CLSTN2: variants seen among roughly 807,000 people sequenced by gnomAD.
The protein encoded by CLSTN2 is calsyntenin 2.
CLSTN2 carries 48 observed loss-of-function variants against 101.2 expected under a neutral mutation model. The ratio of observed to expected loss-of-function variants is 0.47; its 90% CI spans 0.38 to 0.60. The LOEUF is 0.60. CLSTN2 is among the 20% of genes least tolerant of loss of function. The pLI is 0.00. For synonymous variants in CLSTN2, 481 were observed against 463.6 expected, an observed-to-expected ratio of 1.04 and a Z score of -0.48; for missense variants, 1,160 against 1,238.2, an observed-to-expected ratio of 0.94 and a Z score of 0.95.
Position 140,175,938 on chromosome 3 carries a change from C to T in CLSTN2, c.110-13C>T. Reference sequence around the variant, plus strand: ...ATAATGATCCTTTTTGTTTTTTCCCCCTTATTTTCTAGTCAATAAGCACAA... The same window carrying T: ...ATAATGATCCTTTTTGTTTTTTCCCTCTTATTTTCTAGTCAATAAGCACAA... On this transcript the variant is annotated splice_polypyrimidine_tract_variant and intron_variant, in intron 1 of 16. Coordinates refer to ENST00000458420, the MANE Select transcript of CLSTN2 (RefSeq NM_022131.3). 1.3e-6 allele frequency: 2 copies of T among 1,598,654 alleles called. No individual in the cohort carries two copies. Among genetic ancestry groups the T allele is most frequent in the Admixed American group, 3.5e-5 (2 of 57,768 alleles).
intron 2 of CLSTN2, among the ~76,000 whole-genome samples, chr3:140,251,111 G>C (rs189686410): frequency 6.6e-6 from 1 of 152,266 alleles, no homozygotes; most frequent in African/African-American, 2.4e-5. Flanking sequence ...TTGAAGGCCA[G>C]AATCACATCT....
chr3:140,137,001 G>A (rs2009625255), intron 1 of CLSTN2, among the ~76,000 whole-genome samples: 1 of 152,162 alleles, frequency 6.6e-6, no homozygotes, highest in African/African-American at 2.4e-5. Flanking sequence ...CACAATTGTA[G>A]CCTGCTGCCT....
intron 2 of CLSTN2, among the ~76,000 whole-genome samples, chr3:140,345,374 G>A (rs1462098449): frequency 1.3e-5 from 2 of 150,798 alleles, no homozygotes; most frequent in Non-Finnish European, 2.9e-5. Context: ...TCAGCCTCCC[G>A]AGTAGCTGGG....
At chr3:140,137,860 A>AC (rs1183098857) in intron 1 of CLSTN2, among the ~76,000 whole-genome samples, 4 of 152,154 alleles carry the variant, frequency 2.6e-5, no homozygotes, top group Non-Finnish European at 5.9e-5. Context: ...GTGCAGGGTT[A>AC]AGCAGCATCA....
intron 2 of CLSTN2, among the ~76,000 whole-genome samples, chr3:140,307,214 G>A (rs1426065456): frequency 1.3e-5 from 2 of 152,052 alleles, no homozygotes; most frequent in Non-Finnish European, 2.9e-5. Context: ...TCTTTCTTTT[G>A]TAAATTGCCC....
chr3:139,976,984 C>T (rs1206554193), intron 1 of CLSTN2, among the ~76,000 whole-genome samples: 2 of 152,202 alleles, frequency 1.3e-5, no homozygotes, highest in Admixed American at 1.3e-4. Flanking sequence ...CTTCCTGCTC[C>T]AGCCAGTTGC....
intron 8 of CLSTN2, among the ~76,000 whole-genome samples, chr3:140,499,606 A>G (rs1253423307): frequency 6.6e-6 from 1 of 152,174 alleles, no homozygotes; most frequent in African/African-American, 2.4e-5. Context: ...TATGCAGGAC[A>G]GCTCTGCTCA....
intron 1 of CLSTN2, among the ~76,000 whole-genome samples, chr3:140,055,578 T>A (rs1232669203): frequency 6.6e-6 from 1 of 152,178 alleles, no homozygotes; most frequent in Non-Finnish European, 1.5e-5. Context: ...GAAATAACAA[T>A]GCTTGCCTTA....
At chr3:140,488,796 A>G (rs1484872707) in intron 8 of CLSTN2, among the ~76,000 whole-genome samples, 6 of 151,968 alleles carry the variant, frequency 3.9e-5, no homozygotes. Flanking sequence ...CATTTGCACT[A>G]AAAGATTCCA....
At chr3:140,348,748 C>A (rs1312729119) in intron 2 of CLSTN2, among the ~76,000 whole-genome samples, 1 of 152,170 alleles carries the variant, frequency 6.6e-6, no homozygotes, top group Non-Finnish European at 1.5e-5. Context: ...ATATGTGAGG[C>A]CAGCCCTGCT....
chr3:140,249,982 A>G (rs1197406485), intron 2 of CLSTN2, among the ~76,000 whole-genome samples: 4 of 152,202 alleles, frequency 2.6e-5, no homozygotes, highest in Non-Finnish European at 4.4e-5. Context: ...TCAGAAAGAC[A>G]AGTATTATGA....
intron 2 of CLSTN2, among the ~76,000 whole-genome samples, chr3:140,244,377 G>A (rs901551284): frequency 1.3e-5 from 2 of 152,134 alleles, no homozygotes; most frequent in Admixed American, 6.5e-5. Context: ...TGTAGTATGG[G>A]ACCCACCCTA....
chr3:140,135,261 T>C (rs1397539520), intron 1 of CLSTN2, among the ~76,000 whole-genome samples: 1 of 151,416 alleles, frequency 6.6e-6, no homozygotes, highest in East Asian at 1.9e-4. Context: ...TTTAATTTTG[T>C]TTCCTTCTGT....
intron 8 of CLSTN2, among the ~76,000 whole-genome samples, chr3:140,481,410 G>C (rs557541075): frequency 6.6e-6 from 1 of 152,190 alleles, no homozygotes; most frequent in South Asian, 2.1e-4. Flanking sequence ...TTTTGGCTTA[G>C]GATTTACTTG....
intron 4 of CLSTN2, among the ~76,000 whole-genome samples, chr3:140,416,757 A>G (rs1053733484): frequency 6.6e-6 from 1 of 152,256 alleles, no homozygotes; most frequent in Non-Finnish European, 1.5e-5. Flanking sequence ...GCCATGTTAG[A>G]GAATGACAGT....
rs917946179 is a variant in CLSTN2 at position 139,935,430 on chromosome 3, G to A, written c.56G>A (p.Ser19Asn). The stretch of plus-strand genomic sequence containing the variant: ...CTCCTGCTGGCGCTGGGCGTGGGGA[G>A]CGGCAGCGGCGGTGGCGGGGACAGC... ...VPLLLALGVG[S>N]GSGGGGDSRQ... Residue 19 changes from serine to asparagine, a missense_variant, in exon 1 of 17, where the codon AGC becomes AAC. Coordinates refer to ENST00000458420, the MANE Select transcript of CLSTN2 (RefSeq NM_022131.3). This position sits in a 1 kb window ranked among gnomAD's most constrained non-coding sequence, Gnocchi z 5.5. 9.7e-6 allele frequency: 12 copies of A among 1,231,520 alleles called. No individual in the cohort carries two copies. The highest frequency in any genetic ancestry group is 1.2e-5 in the Non-Finnish European group (12 of 987,472). 76.3% of individuals were successfully genotyped at this position (1,231,520 alleles called of 1,614,324 possible). A position where few individuals can be genotyped will look rare whatever the true frequency, so the allele number is the denominator to read the frequency against.
chr3:140,002,985 G>C (rs2006875238), intron 1 of CLSTN2, among the ~76,000 whole-genome samples: 1 of 152,164 alleles, frequency 6.6e-6, no homozygotes, highest in East Asian at 1.9e-4. Flanking sequence ...ATAATTTGAA[G>C]TCAAATAATG....
At chr3:140,171,375 C>T (rs2010210204) in intron 1 of CLSTN2, among the ~76,000 whole-genome samples, 1 of 151,840 alleles carries the variant, frequency 6.6e-6, no homozygotes, top group South Asian at 2.1e-4. Context: ...CCTCATTAGA[C>T]TGCTTTCCAG....
intron 8 of CLSTN2, among the ~76,000 whole-genome samples, chr3:140,484,789 G>C (rs540684781): frequency 6.6e-6 from 1 of 152,094 alleles, no homozygotes; most frequent in Non-Finnish European, 1.5e-5. Context: ...CGTAGCTCTC[G>C]TGCTGTGGTT....
Sources: allele counts gnomAD v4.1 joint callset (sites outside exome capture counted in the v4.1 genomes callset), GRCh38; gene constraint gnomAD v4.1.1; non-coding constraint Gnocchi (gnomAD v3.1); transcripts MANE v1.5; gene names NCBI Gene and HGNC (gene_info 2026-07-23, HGNC 2026-07-21).